The following EYS variants were observed in gnomAD, a reference collection of about 807,000 sequenced individuals.
EYS encodes protein eyes shut homolog.
In EYS, 250 loss-of-function variants were observed where a neutral mutation model predicts 282.1. The observed-to-expected ratio is 0.89, with a 90% confidence interval of 0.80 to 0.98. The LOEUF (loss-of-function observed/expected upper bound fraction) is 0.98. EYS is among the 50% of genes least tolerant of loss of function. The probability of loss-of-function intolerance (pLI) is 0.00; values close to 1 mark genes in which losing one functional copy is unlikely to be tolerated. For missense variants in EYS, 4,016 were observed against 3,709.0 expected (o/e 1.08, Z -2.15); for synonymous variants, 1,355 against 1,282.9 (o/e 1.06, Z -1.20).
chr6:65,263,893 C>A (rs1455731993), intron 12 of EYS, among the ~76,000 whole-genome samples: 3 of 151,572 alleles, frequency 2.0e-5, no homozygotes, highest in Non-Finnish European at 4.4e-5. Flanking sequence ...GCGTGGGCAA[C>A]ACAGTAAGAC....
chr6:64,571,370 A>G (rs903050852), intron 26 of EYS, among the ~76,000 whole-genome samples: 1 of 152,184 alleles, frequency 6.6e-6, no homozygotes, highest in Non-Finnish European at 1.5e-5. Context: ...TAAAAGAACT[A>G]GAAAGTAAGA....
At chr6:64,941,075 T>C in intron 15 of EYS, among the ~76,000 whole-genome samples, 1 of 152,026 alleles carries the variant, frequency 6.6e-6, no homozygotes, top group East Asian at 1.9e-4. Flanking sequence ...CAAACAAATC[T>C]AGGATTAAAA....
chr6:64,901,112 C>T (rs1247515412), intron 18 of EYS, among the ~76,000 whole-genome samples: 1 of 151,624 alleles, frequency 6.6e-6, no homozygotes, highest in African/African-American at 2.4e-5. Context: ...AAGCTGGAAA[C>T]CATCATTCTT....
chr6:65,375,413 A>C (rs1393544484), intron 8 of EYS, among the ~76,000 whole-genome samples: 1 of 152,142 alleles, frequency 6.6e-6, no homozygotes, highest in African/African-American at 2.4e-5. Context: ...AAGGTAGATA[A>C]ATCCATGGAG....
intron 28 of EYS, among the ~76,000 whole-genome samples, chr6:64,422,259 T>A (rs1774261729): frequency 6.6e-6 from 1 of 152,144 alleles, no homozygotes; most frequent in Non-Finnish European, 1.5e-5. Flanking sequence ...ACATGTTACC[T>A]TCTTTGTTTT....
At chr6:65,189,058 C>T (rs993741165) in intron 12 of EYS, among the ~76,000 whole-genome samples, 1 of 151,282 alleles carries the variant, frequency 6.6e-6, no homozygotes, top group Admixed American at 6.6e-5. Context: ...TATATAGTTA[C>T]AGTTTTAATT....
intron 26 of EYS, among the ~76,000 whole-genome samples, chr6:64,557,592 G>A (rs754327035): frequency 2.6e-5 from 4 of 151,870 alleles, no homozygotes; most frequent in Non-Finnish European, 4.4e-5. Flanking sequence ...GTTAAAAACA[G>A]AGCAAATTAT....
intron 13 of EYS, among the ~76,000 whole-genome samples, chr6:64,998,201 A>G (rs1345066751): frequency 6.6e-6 from 1 of 152,172 alleles, no homozygotes; most frequent in African/African-American, 2.4e-5. Flanking sequence ...AAGAGCTTTC[A>G]CGTTTCATCA....
intron 11 of EYS, among the ~76,000 whole-genome samples, chr6:65,333,654 G>T (rs1211709211): frequency 1.3e-5 from 2 of 151,390 alleles, no homozygotes; most frequent in African/African-American, 2.4e-5. Context: ...AATTGTTATT[G>T]TTGAATTGGC....
chr6:65,214,273 G>A (rs1047901426), intron 12 of EYS, among the ~76,000 whole-genome samples: 1 of 144,500 alleles, frequency 6.9e-6, no homozygotes, highest in African/African-American at 2.6e-5. Context: ...TTTGGTGAAA[G>A]AAATTAAAAG....
intron 35 of EYS, among the ~76,000 whole-genome samples, chr6:63,897,496 G>T (rs1773563601): frequency 6.6e-6 from 1 of 152,062 alleles, no homozygotes; most frequent in Non-Finnish European, 1.5e-5. Context: ...GCATCCACAC[G>T]TAAGGAATGC....
chr6:64,608,827 T>A (rs1767017248), intron 24 of EYS, among the ~76,000 whole-genome samples: 1 of 152,118 alleles, frequency 6.6e-6, no homozygotes, highest in African/African-American at 2.4e-5. Context: ...CTGTATTACT[T>A]CAACTATATG....
intron 22 of EYS, among the ~76,000 whole-genome samples, chr6:64,665,757 T>C (rs1769208716): frequency 6.6e-6 from 1 of 152,216 alleles, no homozygotes; most frequent in African/African-American, 2.4e-5. Flanking sequence ...GTTCCTACTG[T>C]TCTGAGAAAG....
At chr6:64,374,164 CT>C (rs1222414995) in intron 29 of EYS, among the ~76,000 whole-genome samples, 2 of 125,608 alleles carry the variant, frequency 1.6e-5, no homozygotes, top group Non-Finnish European at 1.6e-5. Context: ...GCCAAATTCC[CT>C]TTGGTAGGGT....
chr6:64,004,700 A>C (rs1768261111), intron 33 of EYS, among the ~76,000 whole-genome samples: 1 of 152,166 alleles, frequency 6.6e-6, no homozygotes, highest in African/African-American at 2.4e-5. Flanking sequence ...TCCCACTTGT[A>C]AACGAGATTG....
chr6:64,343,522 A>G (rs888996520), intron 29 of EYS, among the ~76,000 whole-genome samples: 11 of 152,176 alleles, frequency 7.2e-5, no homozygotes, highest in African/African-American at 2.4e-4. Flanking sequence ...GAACAAAGAC[A>G]CAACATACCA....
At chr6:64,929,305 T>C (rs1768628052) in intron 15 of EYS, among the ~76,000 whole-genome samples, 2 of 152,122 alleles carry the variant, frequency 1.3e-5, no homozygotes, top group African/African-American at 2.4e-5. Context: ...CAGGGAGCTT[T>C]TTACAATTAC....
intron 30 of EYS, among the ~76,000 whole-genome samples, chr6:64,271,803 T>C (rs1298475068): frequency 6.6e-6 from 1 of 152,086 alleles, no homozygotes; most frequent in Non-Finnish European, 1.5e-5. Context: ...TTTCTATTCC[T>C]GTGCTGATAC....
chr6:65,327,479 G>T (rs1276657734), intron 11 of EYS, among the ~76,000 whole-genome samples: 7 of 151,278 alleles, frequency 4.6e-5, no homozygotes, highest in Admixed American at 2.0e-4. Context: ...GTCTGCTTTT[G>T]ATCCTCTATT....
Sources: gnomAD v4.1 joint callset for allele counts (sites outside exome capture counted in the v4.1 genomes callset) on GRCh38, gnomAD v4.1.1 for gene constraint, MANE v1.5 for transcripts, NCBI Gene and HGNC (gene_info 2026-07-23, HGNC 2026-07-21) for gene names.